The following TMEM67 variants were observed in gnomAD, a reference collection of about 807,000 sequenced individuals.
The protein encoded by TMEM67 is transmembrane protein 67.
TMEM67 carries 124 observed loss-of-function variants against 136.6 expected under a neutral mutation model. The observed-to-expected ratio is 0.91, with a 90% confidence interval of 0.78 to 1.05. The LOEUF is 1.05. Ranked by LOEUF, TMEM67 falls within the 50% of genes least tolerant of loss-of-function variation. The pLI is 0.00. For missense variants in TMEM67, 1,107 were observed against 1,178.4 expected, an observed-to-expected ratio of 0.94 and a Z score of 0.89; for synonymous variants, 364 against 390.5, an observed-to-expected ratio of 0.93 and a Z score of 0.80.
intron 3 of TMEM67, chr8:93,762,889 T>C: frequency 2.5e-6 from 1 of 398,114 alleles, no homozygotes; most frequent in South Asian, 1.9e-5. Context: ...CAGTTAACGG[T>C]ATGCTCTGAT....
At chr8:93,764,042 C>A (rs900663407) in intron 4 of TMEM67, 101 bp downstream of exon 4, 27 of 810,750 alleles carry the variant, frequency 3.3e-5, no homozygotes, top group Middle Eastern at 2.3e-4. Flanking sequence ...TTAGTTTTCA[C>A]AATAACCCAA....
In TMEM67 at chr8:93,791,279, C is replaced by T. The variant is rs1563467281; in HGVS notation, c.1535C>T (p.Thr512Ile). 1 of 1,606,510 alleles carries T rather than the reference C, an allele frequency of 6.2e-7. No homozygotes were observed. The highest frequency in any genetic ancestry group is 1.7e-5 in the Admixed American group (1 of 59,962). ...AAATATCAGGTTTCTTTCTCAGTCA[C>T]ATATGAAATGGATCATGGAGAAGCA... ...SQSVKVSFSV[T>I]YEMDHGEAHV... The change falls in exon 15 of 28, where the codon ACA becomes ATA. Residue 512 changes from threonine to isoleucine, a missense_variant. Physicochemically the swap from Thr to Ile is moderately conservative, Grantham distance 89. Coordinates refer to ENST00000453321, the MANE Select transcript of TMEM67 (RefSeq NM_153704.6).
intron 7 of TMEM67, 116 bp downstream of exon 7, chr8:93,772,767 A>G (rs1813381244): frequency 1.4e-6 from 1 of 710,320 alleles, no homozygotes; most frequent in South Asian, 1.8e-5. Flanking sequence ...TCATAATCTT[A>G]TAAGAAGAAT....
downstream of TMEM67, among the ~76,000 whole-genome samples, chr8:93,818,828 G>T (rs1348830883): frequency 6.6e-6 from 1 of 152,114 alleles, no homozygotes; most frequent in Non-Finnish European, 1.5e-5. Flanking sequence ...GAGAGATGGG[G>T]TCTCACTCTT....
At chr8:93,759,267 G>C (rs1402919351) in intron 3 of TMEM67, 1 of 151,862 alleles carries the variant, frequency 6.6e-6, no homozygotes, top group Non-Finnish European at 1.5e-5. Context: ...TTTGAGACCA[G>C]TCTGGGCAAC....
intron 6 of TMEM67, among the ~76,000 whole-genome samples, chr8:93,767,278 A>G (rs1379703460): frequency 1.3e-5 from 2 of 152,258 alleles, no homozygotes; most frequent in African/African-American, 4.8e-5. Flanking sequence ...AGGGGCACAC[A>G]GTGTCTACCT....
chr8:93,777,630 C>G (rs1463451939), intron 7 of TMEM67, among the ~76,000 whole-genome samples: 2 of 152,168 alleles, frequency 1.3e-5, no homozygotes, highest in African/African-American at 2.4e-5. Context: ...CATTCAGGAG[C>G]AAGTTGTTCA....
chr8:93,780,515 A>G, intron 7 of TMEM67, 78 bp from the exon 8 acceptor site: 1 of 1,581,276 alleles, frequency 6.3e-7, no homozygotes, highest in South Asian at 1.1e-5. Flanking sequence ...AGACCTGCAC[A>G]AAGTAAAATT....
At chr8:93,803,468 C>A in intron 21 of TMEM67, 136 bp from the exon 22 acceptor site, 1 of 593,326 alleles carries the variant, frequency 1.7e-6, no homozygotes, top group Admixed American at 2.7e-5. Flanking sequence ...ACAAGTAGGA[C>A]TTTATCACAT....
At chr8:93,793,081 T>C (rs1814456291) in intron 15 of TMEM67, 117 bp from the exon 16 acceptor site, 2 of 907,902 alleles carry the variant, frequency 2.2e-6, no homozygotes, top group South Asian at 2.7e-5. Flanking sequence ...GACTCCTGTG[T>C]CCTTTCAACA....
At chr8:93,764,325 A>C (rs1042124325) in intron 4 of TMEM67, among the ~76,000 whole-genome samples, 1 of 152,226 alleles carries the variant, frequency 6.6e-6, no homozygotes, top group African/African-American at 2.4e-5. Flanking sequence ...GTTTGTTGTT[A>C]CATAATTTGT....
At chr8:93,759,415 A>G (rs2130550142) in intron 3 of TMEM67, 1 of 147,196 alleles carries the variant, frequency 6.8e-6, no homozygotes, top group Admixed American at 6.8e-5. Flanking sequence ...GTGAGCTGAG[A>G]TGGCGCCACT....
At chr8:93,824,721 G>A in the TMEM67 span, among the ~76,000 whole-genome samples, 3 of 151,858 alleles carry the variant, frequency 2.0e-5, no homozygotes, top group African/African-American at 7.3e-5. Context: ...TGTTGTTTTT[G>A]TTTGTTTGTT....
chr8:93,781,791 C>T (rs1402143108), intron 10 of TMEM67, 47 bp downstream of exon 10: 3 of 1,171,818 alleles, frequency 2.6e-6, no homozygotes, highest in Admixed American at 3.7e-5. Context: ...ATTATTTTTG[C>T]CTGAGACAAA....
At chr8:93,804,310 C>CTTTTTTTTTTTTTTTT (rs1182297223) in intron 22 of TMEM67, among the ~76,000 whole-genome samples, 11 of 93,810 alleles carry the variant, frequency 1.2e-4, no homozygotes, top group African/African-American at 2.0e-4. Flanking sequence ...CTTTTCTTTT[C>CTTTTTTTTTTTTTTTT]TTTTTTTTTT....
chr8:93,823,483 G>A (rs908196692), downstream of TMEM67, among the ~76,000 whole-genome samples: 1 of 151,950 alleles, frequency 6.6e-6, no homozygotes, highest in Non-Finnish European at 1.5e-5. Flanking sequence ...TATCTGTAGG[G>A]TACAAGAACA....
intron 3 of TMEM67, among the ~76,000 whole-genome samples, chr8:93,762,365 A>AT (rs58018051): frequency 8.1e-4 from 113 of 140,352 alleles, no homozygotes; most frequent in Middle Eastern, 3.6e-3. Context: ...CTTTTTAACA[A>AT]TTTTTTTTTT....
chr8:93,754,861 C>A, upstream of TMEM67: 3 of 1,554,848 alleles, frequency 1.9e-6, no homozygotes, highest in Non-Finnish European at 1.8e-6. Flanking sequence ...TCAGCGAAGC[C>A]GCCGCAGAGG....
chr8:93,798,434 A>G (rs771295491), intron 20 of TMEM67, among the ~76,000 whole-genome samples: 2 of 152,200 alleles, frequency 1.3e-5, no homozygotes, highest in African/African-American at 2.4e-5. Flanking sequence ...ACTGTAGACT[A>G]TGTTCTGTGC....
Sources: allele counts gnomAD v4.1 joint callset (sites outside exome capture counted in the v4.1 genomes callset), GRCh38; gene constraint gnomAD v4.1.1; transcripts MANE v1.5; gene names NCBI Gene and HGNC (gene_info 2026-07-23, HGNC 2026-07-21).